The following DYNC2H1 variants were observed in gnomAD, a reference collection of about 807,000 sequenced individuals.
The protein encoded by DYNC2H1 is cytoplasmic dynein 2 heavy chain 1.
DYNC2H1 carries 410 observed loss-of-function variants against 570.0 expected under a neutral mutation model. The observed-to-expected ratio is 0.72, with a 90% confidence interval of 0.66 to 0.78. The LOEUF is 0.78. DYNC2H1 is among the 30% of genes least tolerant of loss of function. The pLI is 0.00. For missense variants in DYNC2H1, 4,865 were observed against 5,046.4 expected, an observed-to-expected ratio of 0.96 and a Z score of 1.09; for synonymous variants, 1,688 against 1,677.6, an observed-to-expected ratio of 1.01 and a Z score of -0.15.
chr11:103,122,694 T>G, intron 10 of DYNC2H1, 131 bp from the exon 11 acceptor site: 2 of 785,508 alleles, frequency 2.5e-6, no homozygotes, highest in Non-Finnish European at 3.9e-6. Context: ...TTGGTGAATC[T>G]TCCGTTTCAC....
intron 84 of DYNC2H1, among the ~76,000 whole-genome samples, chr11:103,415,603 C>CCAT (rs1455178527): frequency 1.3e-5 from 2 of 152,082 alleles, no homozygotes; most frequent in Admixed American, 6.5e-5. Context: ...CAATGAGATA[C>CCAT]CATCTCATGC....
chr11:103,292,156 C>CT (rs200746288), intron 75 of DYNC2H1, among the ~76,000 whole-genome samples: 5,173 of 130,914 alleles, frequency 0.04, 307 homozygotes, highest in African/African-American at 0.13. Flanking sequence ...TCTTCTTCTT[C>CT]TCTTTTTTTT....
At chr11:103,126,068 C>T (rs1406717850) in intron 12 of DYNC2H1, among the ~76,000 whole-genome samples, 2 of 151,928 alleles carry the variant, frequency 1.3e-5, no homozygotes, top group African/African-American at 2.4e-5. Context: ...TTTTCTTTGA[C>T]TTGATTATTA....
intron 84 of DYNC2H1, among the ~76,000 whole-genome samples, chr11:103,434,867 A>C (rs1002554381): frequency 6.6e-6 from 1 of 152,028 alleles, no homozygotes; most frequent in African/African-American, 2.4e-5. Context: ...ACTGGCTTCT[A>C]AGATTAAAAG....
rs1171050028 is a variant in DYNC2H1 at position 103,256,836 on chromosome 11, G to A, written c.10461+596G>A. On this transcript the variant is annotated intron_variant, in intron 68 of 88. Coordinates refer to ENST00000375735, the MANE Select transcript of DYNC2H1 (RefSeq NM_001377.3). The surrounding 1 kb of genome is among the most constrained non-coding windows in gnomAD (Gnocchi z 4.0). ...TGTGCTGTCTTGCGTTACCTTAACT[G>A]ATTCTCTTTTGAAATGTAAAATTGG... Among the ~76,000 whole-genome samples the A allele has an allele frequency of 6.6e-6, 1 of 152,056 alleles. No homozygotes were observed. The highest frequency in any genetic ancestry group is 1.5e-5 in the Non-Finnish European group (1 of 68,006).
chr11:103,248,298 T>G (rs1565429448), intron 65 of DYNC2H1, among the ~76,000 whole-genome samples: 1 of 151,972 alleles, frequency 6.6e-6, no homozygotes, highest in African/African-American at 2.4e-5. Flanking sequence ...TTATCAAAAT[T>G]TTATCTACAT....
intron 75 of DYNC2H1, among the ~76,000 whole-genome samples, chr11:103,294,051 C>G (rs1866722036): frequency 6.6e-6 from 1 of 152,162 alleles, no homozygotes; most frequent in Non-Finnish European, 1.5e-5. Context: ...TGCACTCCAG[C>G]CTGGGCTAGT....
intron 12 of DYNC2H1, among the ~76,000 whole-genome samples, chr11:103,126,528 C>T (rs961952589): frequency 1.6e-4 from 24 of 152,132 alleles, no homozygotes; most frequent in African/African-American, 5.6e-4. Context: ...CATTGTACCA[C>T]TGATCTAACT....
chr11:103,358,757 C>A (rs368805992), intron 83 of DYNC2H1, among the ~76,000 whole-genome samples: 12 of 152,082 alleles, frequency 7.9e-5, no homozygotes, highest in African/African-American at 2.7e-4. Flanking sequence ...CCAATTCATG[C>A]AGTTCTTAAA....
intron 52 of DYNC2H1, among the ~76,000 whole-genome samples, chr11:103,208,910 G>T (rs1863040998): frequency 6.6e-6 from 1 of 152,074 alleles, no homozygotes; most frequent in Non-Finnish European, 1.5e-5. Context: ...GCTAATGTAG[G>T]ATATTGTTTG....
chr11:103,438,211 T>C (rs912791512), intron 85 of DYNC2H1, among the ~76,000 whole-genome samples: 9 of 152,008 alleles, frequency 5.9e-5, no homozygotes, highest in Non-Finnish European at 1.0e-4. Flanking sequence ...TGGCTTAATA[T>C]TTTTTTAAAT....
At chr11:103,216,052 C>T (rs561637865) in intron 55 of DYNC2H1, among the ~76,000 whole-genome samples, 194 bp downstream of exon 55, 4 of 152,250 alleles carry the variant, frequency 2.6e-5, no homozygotes, top group South Asian at 4.1e-4. Flanking sequence ...ACTGATCACT[C>T]GGTGCACTCA....
chr11:103,238,064 C>T (rs963589660), intron 63 of DYNC2H1, among the ~76,000 whole-genome samples: 2 of 152,066 alleles, frequency 1.3e-5, no homozygotes, highest in South Asian at 4.1e-4. Flanking sequence ...GGTCGACACT[C>T]CATCTCAGTT....
chr11:103,372,065 G>T (rs1941185028), intron 83 of DYNC2H1, among the ~76,000 whole-genome samples: 1 of 121,398 alleles, frequency 8.2e-6, no homozygotes, highest in Non-Finnish European at 1.7e-5. Context: ...TTTTGAGGCA[G>T]GGTCTCACTC....
intron 83 of DYNC2H1, among the ~76,000 whole-genome samples, chr11:103,365,099 G>A (rs561234802): frequency 5.3e-5 from 8 of 152,300 alleles, no homozygotes; most frequent in African/African-American, 1.9e-4. Flanking sequence ...GGTGGCTCAT[G>A]CCTGTAATCC....
At chr11:103,200,355 AATTGTTAAT>A (rs1862669426) in intron 50 of DYNC2H1, among the ~76,000 whole-genome samples, 1 of 152,154 alleles carries the variant, frequency 6.6e-6, no homozygotes, top group African/African-American at 2.4e-5. Context: ...GACATATAAA[AATTGTTAAT>A]ATTGAGTATT....
chr11:103,199,291 G>T lies in DYNC2H1; in HGVS notation c.7903G>T (p.Glu2635Ter), dbSNP rs1862623916. The change falls in exon 49 of 89, where the codon GAG (glutamate) becomes TAG (stop). Residue 2635 changes from glutamate (E) to a stop codon, truncating the protein, a stop_gained. Transcript: ENST00000375735. LOFTEE classifies it high-confidence loss of function. The surrounding 1 kb of genome is among the most constrained non-coding windows in gnomAD (Gnocchi z 4.6). Reference protein sequence around the residue: ...LDILLFHEVLEYMSRIDRVLS... With the variant: ...LDILLFHEVL ...CATTTTACTTTTCCACGAAGTCTTGGAGTATATGTCTAGGATAGATAGAGT... is the reference window on the plus strand; with the variant it reads ...CATTTTACTTTTCCACGAAGTCTTGTAGTATATGTCTAGGATAGATAGAGT... The T allele has an allele frequency of 6.2e-7, 1 of 1,610,886 alleles. No homozygotes were observed. The highest frequency in any genetic ancestry group is 8.5e-7 in the Non-Finnish European group (1 of 1,179,234).
At position 103,199,437 on chromosome 11, in the gene DYNC2H1, A is replaced by G. The variant is rs1862631249; in HGVS notation, c.8049A>G (p.Arg2683=). ...GAVLFSPKIS[R]GYELKQFKND... ...TCCTGTTTTCTCCAAAGATTTCCAGAGGATATGAACTGAAGCAGTTCAAAA... is the reference window on the plus strand; with the variant it reads ...TCCTGTTTTCTCCAAAGATTTCCAGGGGATATGAACTGAAGCAGTTCAAAA... The change falls in exon 49 of 89, where the codon AGA becomes AGG. Residue 2683 remains arginine, a synonymous_variant. Coordinates refer to ENST00000375735, the MANE Select transcript of DYNC2H1 (RefSeq NM_001377.3). The surrounding 1 kb of genome is among the most constrained non-coding windows in gnomAD (Gnocchi z 4.6). 2 of 1,611,570 alleles carry G rather than the reference A, an allele frequency of 1.2e-6. No homozygotes were observed.
Position 103,173,158 on chromosome 11 carries a change from T to G in DYNC2H1, c.5411T>G (p.Leu1804Arg), listed in dbSNP as rs758418956. Residue 1804 changes from leucine (L) to arginine (R), a missense_variant, in exon 35 of 89, where the codon CTG becomes CGG. Transcript: ENST00000375735. ...AGKGYGGRQK[L>R]PDNLKQLFRP... ...AAAGGTTATGGAGGAAGACAAAAAC[T>G]GCCTGATAATCTTAAACAGCTTTTC... The G allele has an allele frequency of 6.4e-7, 1 of 1,572,570 alleles. No individual in the cohort carries two copies. The highest frequency in any genetic ancestry group is 1.7e-4 in the Middle Eastern group (1 of 5,974).
Sources: gnomAD v4.1 joint callset for allele counts (sites outside exome capture counted in the v4.1 genomes callset) on GRCh38, gnomAD v4.1.1 for gene constraint, Gnocchi (gnomAD v3.1) non-coding constraint, MANE v1.5 for transcripts, NCBI Gene and HGNC (gene_info 2026-07-23, HGNC 2026-07-21) for gene names.